Variants in CSAD observed in about 807,000 individuals in gnomAD.
CSAD encodes cysteine sulfinic acid decarboxylase.
A neutral mutation model predicts 61.5 loss-of-function variants in CSAD; 47 were observed. That is an observed-to-expected ratio of 0.76 (90% CI 0.60 to 0.97). CSAD has a LOEUF of 0.97. CSAD is among the 50% of genes least tolerant of loss of function. The pLI is 0.00. For missense variants in CSAD, 611 were observed against 643.6 expected (o/e 0.95, Z 0.55); for synonymous variants, 245 against 252.7 (o/e 0.97, Z 0.29).
At position 53,170,140 on chromosome 12, in the gene CSAD, T is replaced by G; in HGVS notation, c.648-14A>C. On this transcript the variant is annotated splice_polypyrimidine_tract_variant and intron_variant, in intron 9 of 16. Coordinates refer to ENST00000444623, the MANE Select transcript of CSAD (RefSeq NM_001244705.2). ...ACCATTTTCCCTCTGAAAAAGAAAATGCAGAGGGTAGAGCAGGGACAGGTT... is the reference window on the plus strand; with the variant it reads ...ACCATTTTCCCTCTGAAAAAGAAAAGGCAGAGGGTAGAGCAGGGACAGGTT... The G allele has an allele frequency of 6.2e-7, 1 of 1,612,988 alleles. No individual in the cohort carries two copies. The highest frequency in any genetic ancestry group is 2.2e-5 in the East Asian group (1 of 44,874).
chr12:53,171,046 A>T, intron 8 of CSAD: 1 of 597,026 alleles, frequency 1.7e-6, no homozygotes, highest in South Asian at 1.6e-5. Flanking sequence ...AACAAGCCCC[A>T]GGTCATACCA....
Position 53,171,517 on chromosome 12 carries a change from A to G in CSAD, c.452-76T>C, listed in dbSNP as rs568584539. 38 of 1,411,018 alleles carry G rather than the reference A, an allele frequency of 2.7e-5. 1 individual carries two copies. Among genetic ancestry groups the G allele is most frequent in the South Asian group, 3.6e-5 (3 of 83,530 alleles). The allele number at this position is 1,411,018 out of a possible 1,614,324, so 87.4% of individuals were successfully genotyped here. ...TGGAGCTTGCCTCCCTTCCCTTTCT[A>G]CCAGAAGAGCTCATCAAAGAAGCAG... On this transcript the variant is annotated intron_variant, in intron 7 of 16. Transcript: ENST00000444623.
chr12:53,174,233 G>A (rs992367693), intron 2 of CSAD, among the ~76,000 whole-genome samples: 4 of 151,246 alleles, frequency 2.6e-5, no homozygotes, highest in African/African-American at 4.9e-5. Context: ...GCGTGAACCC[G>A]GGAGGCAGAG....
At chr12:53,164,834 C>G (rs1261835175) in intron 10 of CSAD, 1 of 152,122 alleles carries the variant, frequency 6.6e-6, no homozygotes, top group Non-Finnish European at 1.5e-5. Flanking sequence ...AGAACTCTTA[C>G]AACTCAGTAA....
intron 2 of CSAD, 98 bp from the exon 3 acceptor site, chr12:53,173,868 C>A: frequency 8.4e-7 from 1 of 1,188,464 alleles, no homozygotes; most frequent in Non-Finnish European, 1.2e-6. Flanking sequence ...CAACCATCAT[C>A]ACTATCTAAC....
intron 1 of CSAD, chr12:53,180,126 C>G: frequency 7.7e-7 from 1 of 1,293,874 alleles, no homozygotes; most frequent in South Asian, 1.9e-5. Context: ...CCAAGGGCTA[C>G]TCAAGGAACG....
At chr12:53,162,521 T>C (rs913414519) in intron 10 of CSAD, among the ~76,000 whole-genome samples, 4 of 152,186 alleles carry the variant, frequency 2.6e-5, no homozygotes, top group African/African-American at 4.8e-5. Context: ...TGAGCCAAGA[T>C]TGTGCCACTG....
intron 1 of CSAD, chr12:53,180,348 G>A (rs543838715): frequency 1.0e-6 from 1 of 985,264 alleles, no homozygotes; most frequent in Non-Finnish European, 1.2e-6. Flanking sequence ...TGGGCAGGAC[G>A]TCCGCGAGGA....
In CSAD at chr12:53,158,540, C is replaced by A. The variant is rs751384326; in HGVS notation, c.1453G>T (p.Glu485Ter). The stretch of plus-strand genomic sequence containing the variant: ...AGGTCCTGGCCTAGCCGCTCCAGCT[C>A]GTTGAGGAGGAAGTCCATATCAGCA... ...TCADMDFLLNELERLGQDL is the reference protein window; with the variant it reads ...TCADMDFLLN The change falls in exon 17 of 17, where the codon GAG (glutamate) becomes TAG (stop). Residue 485 changes from glutamate to a stop codon, truncating the protein, a stop_gained. Coordinates refer to ENST00000444623, the MANE Select transcript of CSAD (RefSeq NM_001244705.2). LOFTEE classifies it high-confidence loss of function. 6.2e-7 allele frequency: 1 copy of A among 1,614,048 alleles called. No homozygotes were observed. Among genetic ancestry groups the A allele is most frequent in the Non-Finnish European group, 8.5e-7 (1 of 1,179,958 alleles).
chr12:53,161,513 T>C, intron 10 of CSAD, 124 bp from the exon 11 acceptor site: 1 of 707,360 alleles, frequency 1.4e-6, no homozygotes, highest in Middle Eastern at 2.9e-4. Context: ...CTCACAACAA[T>C]GTGTTACTGT....
intron 4 of CSAD, 55 bp downstream of exon 4, chr12:53,173,290 A>C: frequency 1.3e-6 from 2 of 1,489,604 alleles, no homozygotes; most frequent in Non-Finnish European, 1.8e-6. Flanking sequence ...AAAAAAGAAA[A>C]GAGAAAAGAA....
chr12:53,175,545 A>C (rs1267107320), intron 2 of CSAD, among the ~76,000 whole-genome samples: 2 of 152,122 alleles, frequency 1.3e-5, no homozygotes, highest in Admixed American at 6.5e-5. Flanking sequence ...TCTAGACTGT[A>C]CTCTCCTGGG....
intron 7 of CSAD, chr12:53,171,668 G>A (rs900286537): frequency 3.2e-5 from 20 of 619,380 alleles, no homozygotes; most frequent in Admixed American, 1.5e-4. Flanking sequence ...GCCCCCGTCC[G>A]GAGATAGCAG....
intron 7 of CSAD, 157 bp downstream of exon 7, chr12:53,171,725 A>T (rs183188874): frequency 1.4e-4 from 88 of 629,044 alleles, no homozygotes; most frequent in Non-Finnish European, 2.0e-4. Context: ...ATGAGCATGA[A>T]GGGACCAGGC....
At chr12:53,170,180 G>T in intron 9 of CSAD, 54 bp from the exon 10 acceptor site, 1 of 1,508,874 alleles carries the variant, frequency 6.6e-7, no homozygotes, top group South Asian at 1.1e-5. Context: ...GTTGAAGGCA[G>T]GGTAAGGTGG....
chr12:53,176,793 C>T (rs937422857), intron 2 of CSAD, among the ~76,000 whole-genome samples: 2 of 152,128 alleles, frequency 1.3e-5, no homozygotes, highest in African/African-American at 2.4e-5. Context: ...AGTGCAGTAG[C>T]ACAATCATGT....
chr12:53,161,049 T>TA, intron 12 of CSAD, 78 bp downstream of exon 12: 2 of 1,466,668 alleles, frequency 1.4e-6, no homozygotes, highest in Non-Finnish European at 1.9e-6. Flanking sequence ...CCAGCCATGT[T>TA]AAACTCCCTA....
At position 53,171,913 on chromosome 12, in the gene CSAD, G is replaced by C. The variant is rs745977633; in HGVS notation, c.420C>G (p.Gly140=). The C allele has an allele frequency of 6.2e-7, 1 of 1,613,940 alleles. No individual in the cohort carries two copies. The highest frequency in any genetic ancestry group is 8.5e-7 in the Non-Finnish European group (1 of 1,179,864). Residue 140 remains glycine (G), a synonymous_variant, in exon 7 of 17, where the codon GGC becomes GGG. Coordinates refer to ENST00000444623, the MANE Select transcript of CSAD (RefSeq NM_001244705.2). The part of the protein sequence containing the change: ...EVLRKLRALV[G]WSSGDGIFCP... ...AGAAGATTCCGTCCCCAGAGCTCCA[G>C]CCCACCAGGGCCCGCAGTTTCCTCA...
intron 10 of CSAD, among the ~76,000 whole-genome samples, chr12:53,167,963 G>A (rs538637162): frequency 6.6e-6 from 1 of 152,306 alleles, no homozygotes; most frequent in Non-Finnish European, 1.5e-5. Flanking sequence ...GAGCCCCAAA[G>A]TGGAAACAAC....
Sources: allele counts gnomAD v4.1 joint callset (sites outside exome capture counted in the v4.1 genomes callset), GRCh38; gene constraint gnomAD v4.1.1; transcripts MANE v1.5; gene names NCBI Gene and HGNC (gene_info 2026-07-23, HGNC 2026-07-21).